The following NCAM2 variants were observed in gnomAD, a reference collection of about 807,000 sequenced individuals.
The protein encoded by NCAM2 is neural cell adhesion molecule 2, also known as N-CAM-2.
Under a neutral mutation model 98.1 loss-of-function variants are expected in NCAM2, and 30 were observed. That is an observed-to-expected ratio of 0.31 (90% CI 0.23 to 0.41). The LOEUF is 0.41. NCAM2 is among the 10% of genes least tolerant of loss of function. The pLI, the probability that NCAM2 is intolerant of heterozygous loss-of-function variation, is 1.00. For missense variants in NCAM2, 867 were observed against 1,005.8 expected, an observed-to-expected ratio of 0.86 and a Z score of 1.87; for synonymous variants, 368 against 342.4, an observed-to-expected ratio of 1.07 and a Z score of -0.83.
intron 10 of NCAM2, 45 bp downstream of exon 10, chr21:21,410,506 C>G: frequency 9.2e-7 from 1 of 1,090,886 alleles, no homozygotes; most frequent in Non-Finnish European, 1.3e-6. Context: ...ATTTTAACAA[C>G]TATCTACTAT....
intron 1 of NCAM2, among the ~76,000 whole-genome samples, chr21:21,106,787 G>C (rs1193765388): frequency 6.6e-6 from 1 of 152,022 alleles, no homozygotes; most frequent in Non-Finnish European, 1.5e-5. Flanking sequence ...ATTTAGTAGA[G>C]TTATCAGTTT....
chr21:21,493,305 G>A (rs894106004), intron 15 of NCAM2, among the ~76,000 whole-genome samples: 3 of 151,820 alleles, frequency 2.0e-5, no homozygotes, highest in Admixed American at 2.0e-4. Flanking sequence ...TGTTTTTATA[G>A]GAGATAATCA....
intron 1 of NCAM2, among the ~76,000 whole-genome samples, chr21:21,271,846 A>G (rs1006570213): frequency 6.6e-6 from 1 of 152,136 alleles, no homozygotes; most frequent in Non-Finnish European, 1.5e-5. Context: ...CTAGTCAATG[A>G]GAACACTTGG....
intron 1 of NCAM2, among the ~76,000 whole-genome samples, chr21:21,105,671 G>T (rs1267725852): frequency 6.6e-6 from 1 of 151,970 alleles, no homozygotes; most frequent in African/African-American, 2.4e-5. Flanking sequence ...AAATTAAAAA[G>T]ACTAATAAAA....
Position 21,538,512 on chromosome 21 carries a change from T to G in NCAM2, c.*555T>G, listed in dbSNP as rs763174688. 6.6e-6 allele frequency: 1 copy of G among 152,596 alleles called. No homozygotes were observed. The highest frequency in any genetic ancestry group is 1.5e-5 in the Non-Finnish European group (1 of 68,018). The allele number at this position is 152,596 out of a possible 1,614,324, so 9.5% of individuals were successfully genotyped here. Reference sequence around the variant, plus strand: ...AGCAGATATTAAAAATTGAAAACTTTGGAGAACTCATTTCAAGTTATGATT... The same window carrying G: ...AGCAGATATTAAAAATTGAAAACTTGGGAGAACTCATTTCAAGTTATGATT... On this transcript the variant is annotated 3_prime_UTR_variant, in exon 18 of 18. Transcript: ENST00000400546.
At position 21,543,088 on chromosome 21, in the gene NCAM2, C is replaced by G; in HGVS notation, c.*5131C>G. ...ACTGAAACATACTATCTTTTATTTTCTTTAATTTATATATTCCATTCAAAT... is the reference window on the plus strand; with the variant it reads ...ACTGAAACATACTATCTTTTATTTTGTTTAATTTATATATTCCATTCAAAT... On this transcript the variant is annotated 3_prime_UTR_variant, in exon 18 of 18. Transcript: ENST00000400546. 6.6e-6 allele frequency: 1 copy of G among 151,570 alleles called. No individual in the cohort carries two copies. Among genetic ancestry groups the G allele is most frequent in the East Asian group, 1.9e-4 (1 of 5,168 alleles). 9.4% of individuals were successfully genotyped at this position (151,570 alleles called of 1,614,324 possible). A position where few individuals can be genotyped will look rare whatever the true frequency, so the allele number is the denominator to read the frequency against.
In NCAM2 at chr21:21,487,255, T is replaced by C. The variant is rs1038466722; in HGVS notation, c.2077+9784T>C. 3.2e-4 allele frequency among the ~76,000 whole-genome samples: 48 copies of C among 152,160 alleles called. 1 individual carries two copies. Among genetic ancestry groups the C allele is most frequent in the Admixed American group, 9.8e-4 (15 of 15,274 alleles). ...AAAAATCAGACAGTTTACTTGTTTA[T>C]TTTAAAAATGAGTTTGTTACTTTTT... On this transcript the variant is annotated intron_variant, in intron 15 of 17. Coordinates refer to ENST00000400546, the MANE Select transcript of NCAM2 (RefSeq NM_004540.5).
At chr21:21,095,033 G>A (rs915265351) in intron 1 of NCAM2, among the ~76,000 whole-genome samples, 1 of 151,696 alleles carries the variant, frequency 6.6e-6, no homozygotes, top group Non-Finnish European at 1.5e-5. Context: ...GATTAGTCAA[G>A]TATTATAAAT....
intron 9 of NCAM2, among the ~76,000 whole-genome samples, chr21:21,384,219 A>G (rs2076215915): frequency 6.6e-6 from 1 of 152,046 alleles, no homozygotes; most frequent in African/African-American, 2.4e-5. Context: ...GCAAAAGAAA[A>G]TCTTTAAGAT....
At chr21:21,422,512 A>T (rs989367596) in intron 11 of NCAM2, among the ~76,000 whole-genome samples, 3 of 152,182 alleles carry the variant, frequency 2.0e-5, no homozygotes, top group Non-Finnish European at 4.4e-5. Flanking sequence ...AAGTCAGTTA[A>T]CCCTAAGCAA....
intron 15 of NCAM2, among the ~76,000 whole-genome samples, chr21:21,486,303 C>CAAA (rs67182493): frequency 0.029 from 1,482 of 51,782 alleles, 146 homozygotes; most frequent in African/African-American, 0.051. Context: ...GACTCCGTCT[C>CAAA]AAAAAAAAAA....
intron 1 of NCAM2, among the ~76,000 whole-genome samples, chr21:21,258,620 G>A (rs199729033): frequency 6.6e-6 from 1 of 152,134 alleles, no homozygotes; most frequent in Non-Finnish European, 1.5e-5. Context: ...ACTTGCTGGG[G>A]TCAGAGAACC....
At chr21:21,214,770 AAT>A (rs1478920904) in intron 1 of NCAM2, among the ~76,000 whole-genome samples, 3 of 121,672 alleles carry the variant, frequency 2.5e-5, no homozygotes, top group South Asian at 5.5e-4. Flanking sequence ...ACATATATGT[AAT>A]ATATATATAC....
rs555041059 is a variant in NCAM2, at chr21:21,167,703, C to T, written c.56-112875C>T. Among the ~76,000 whole-genome samples, 5 of 152,162 alleles carry T rather than the reference C, an allele frequency of 3.3e-5. No individual in the cohort carries two copies. In the East Asian group the frequency reaches 5.8e-4, roughly 18 times the overall value. On this transcript the variant is annotated intron_variant, in intron 1 of 17. Coordinates refer to ENST00000400546, the MANE Select transcript of NCAM2 (RefSeq NM_004540.5). Reference sequence around the variant, plus strand: ...GAATATTGTAAAAATTATCTGCTTACGAATTTTATAACCTACACAGAACAC... The same window carrying T: ...GAATATTGTAAAAATTATCTGCTTATGAATTTTATAACCTACACAGAACAC...
chr21:21,205,209 T>G (rs921577356), intron 1 of NCAM2, among the ~76,000 whole-genome samples: 2 of 152,214 alleles, frequency 1.3e-5, no homozygotes, highest in Non-Finnish European at 2.9e-5. Flanking sequence ...ATACACAAAC[T>G]GAACATTTGT....
At chr21:21,232,631 A>G (rs1227061576) in intron 1 of NCAM2, among the ~76,000 whole-genome samples, 1 of 151,682 alleles carries the variant, frequency 6.6e-6, no homozygotes, top group Non-Finnish European at 1.5e-5. Context: ...ATCCATTAAT[A>G]GGACTAATTT....
intron 1 of NCAM2, among the ~76,000 whole-genome samples, chr21:21,079,626 A>G (rs1280271213): frequency 2.0e-5 from 3 of 151,960 alleles, no homozygotes; most frequent in Non-Finnish European, 4.4e-5. Context: ...CATCACTATG[A>G]CACTCTTGTG....
At chr21:21,234,873 CT>C (rs1357617703) in intron 1 of NCAM2, among the ~76,000 whole-genome samples, 1 of 151,984 alleles carries the variant, frequency 6.6e-6, no homozygotes, top group Non-Finnish European at 1.5e-5. Context: ...TCAGTAGATT[CT>C]TTTTCAATTC....
chr21:21,535,014 T>C (rs1340492551), intron 17 of NCAM2, among the ~76,000 whole-genome samples: 1 of 152,120 alleles, frequency 6.6e-6, no homozygotes, highest in Non-Finnish European at 1.5e-5. Flanking sequence ...AATAAGGACA[T>C]GTTAGGAAAT....
Sources: gnomAD v4.1 joint callset for allele counts (sites outside exome capture counted in the v4.1 genomes callset) on GRCh38, gnomAD v4.1.1 for gene constraint, MANE v1.5 for transcripts, NCBI Gene and HGNC (gene_info 2026-07-23, HGNC 2026-07-21) for gene names.